Variants in STK32A observed in about 807,000 individuals in gnomAD.
STK32A encodes serine/threonine kinase 32A, also known as serine/threonine-protein kinase 32A.
STK32A carries 41 observed loss-of-function variants against 53.2 expected under a neutral mutation model. That is an observed-to-expected ratio of 0.77 (90% CI 0.60 to 1.00). The LOEUF is 1.00. Ranked by LOEUF, STK32A falls within the 50% of genes least tolerant of loss-of-function variation. The pLI is 0.00. For synonymous variants in STK32A, 166 were observed against 162.8 expected (o/e 1.02, Z -0.15); for missense variants, 458 against 485.8 (o/e 0.94, Z 0.54).
chr5:147,340,085 A>G (rs759081539), intron 5 of STK32A, among the ~76,000 whole-genome samples: 7 of 152,100 alleles, frequency 4.6e-5, no homozygotes, highest in Admixed American at 2.6e-4. Flanking sequence ...TGCTAGTGAG[A>G]GTGTCTTTTA....
At chr5:147,252,138 C>A (rs1009712496) in intron 2 of STK32A, among the ~76,000 whole-genome samples, 9 of 152,084 alleles carry the variant, frequency 5.9e-5, no homozygotes, top group Non-Finnish European at 1.2e-4. Flanking sequence ...CAGAGCAAGA[C>A]CCTGTCTCAC....
At chr5:147,337,691 T>G (rs894680804) in intron 5 of STK32A, among the ~76,000 whole-genome samples, 3 of 151,862 alleles carry the variant, frequency 2.0e-5, no homozygotes, top group African/African-American at 7.2e-5. Context: ...CACTTAGAAC[T>G]TACGTCCTAG....
downstream of STK32A, chr5:147,392,289 T>C (rs535017942): frequency 2.6e-5 from 4 of 152,356 alleles, no homozygotes; most frequent in East Asian, 7.7e-4. Flanking sequence ...AATAGTCTTT[T>C]TTCATGATTT....
chr5:147,323,846 TC>T, intron 4 of STK32A, 51 bp from the exon 5 acceptor site: 1 of 1,472,352 alleles, frequency 6.8e-7, no homozygotes, highest in Non-Finnish European at 9.3e-7. Flanking sequence ...TCTCTGAGAC[TC>T]TTTAATGTGT....
intron 9 of STK32A, 138 bp downstream of exon 9, chr5:147,370,908 T>G: frequency 2.0e-6 from 1 of 488,784 alleles, no homozygotes; most frequent in East Asian, 3.1e-5. Context: ...AGCTGTTAGC[T>G]TTCAAATACA....
At chr5:147,378,304 C>A (rs755434515) in intron 11 of STK32A, among the ~76,000 whole-genome samples, 6 of 152,052 alleles carry the variant, frequency 3.9e-5, no homozygotes, top group Non-Finnish European at 8.8e-5. Flanking sequence ...GGTGAGCATA[C>A]AGGAAAGGAC....
chr5:147,400,742 C>T, the STK32A span: 1 of 1,614,186 alleles, frequency 6.2e-7, no homozygotes, highest in Non-Finnish European at 8.5e-7. Flanking sequence ...CCATTGGTGC[C>T]CTCAGGAATG....
At chr5:147,345,164 G>A (rs1026596806) in intron 6 of STK32A, among the ~76,000 whole-genome samples, 8 of 152,126 alleles carry the variant, frequency 5.3e-5, no homozygotes, top group African/African-American at 1.9e-4. Flanking sequence ...TCCTAGCCCC[G>A]AGAGCTTTGA....
rs199966092 is a variant in STK32A, at chr5:147,383,897, A to G, written c.1105A>G (p.Arg369Gly). ...FIIFNREKVN[R>G]DFNKRQPNLA... ...TTTTCTTTTCTTTTTAAGAGTAAAC[A>G]GGGACTTTAACAAAAGACAACCAAA... is the stretch of plus-strand genomic sequence containing the variant. Residue 369 changes from arginine to glycine, a missense_variant, in exon 13 of 13, where the codon AGG becomes GGG. Arg to Gly is a moderately radical substitution (Grantham distance 125, BLOSUM62 -2). Coordinates refer to ENST00000397936, the MANE Select transcript of STK32A (RefSeq NM_001112724.2). 1 of 1,550,436 alleles carries G rather than the reference A, an allele frequency of 6.4e-7. No homozygotes were observed. The highest frequency in any genetic ancestry group is 8.8e-7 in the Non-Finnish European group (1 of 1,132,292).
Position 147,384,467 on chromosome 5 carries a change from A to G in STK32A, c.*484A>G. On this transcript the variant is annotated 3_prime_UTR_variant, in exon 13 of 13. Transcript: ENST00000397936. ...TCAGAATGCCCCAGGCTACTTGGAT[A>G]AAGATAAGGAATTCTATCAGGGAGG... 6.6e-7 allele frequency: 1 copy of G among 1,506,560 alleles called. No individual in the cohort carries two copies. The highest frequency in any genetic ancestry group is 8.9e-7 in the Non-Finnish European group (1 of 1,122,726). 93.3% of individuals were successfully genotyped at this position (1,506,560 alleles called of 1,614,324 possible).
intron 4 of STK32A, among the ~76,000 whole-genome samples, chr5:147,294,080 T>TG (rs1189759022): frequency 6.6e-6 from 1 of 152,204 alleles, no homozygotes; most frequent in African/African-American, 2.4e-5. Context: ...GAAAACCCTG[T>TG]GGTTCCAAAA....
chr5:147,264,107 C>A (rs1260252794), intron 2 of STK32A, among the ~76,000 whole-genome samples: 1 of 148,176 alleles, frequency 6.7e-6, no homozygotes. Context: ...AGTGTGAATA[C>A]AATAAAAATA....
chr5:147,374,572 T>C (rs1366297637), intron 10 of STK32A, among the ~76,000 whole-genome samples: 1 of 152,136 alleles, frequency 6.6e-6, no homozygotes, highest in Admixed American at 6.5e-5. Context: ...CAACTCTTGC[T>C]TCCCCCTCCT....
chr5:147,373,146 T>C (rs1259149582), intron 9 of STK32A, 23 bp from the exon 10 acceptor site: 1 of 1,612,506 alleles, frequency 6.2e-7, no homozygotes, highest in Non-Finnish European at 8.5e-7. Flanking sequence ...CTTATGGCCT[T>C]GATGTTTGCA....
the STK32A span, chr5:147,401,590 G>C: frequency 1.7e-5 from 27 of 1,613,910 alleles, 1 homozygote; most frequent in Middle Eastern, 6.6e-4. Flanking sequence ...CAGGGCTCAG[G>C]GGTGGGGATG....
intron 8 of STK32A, among the ~76,000 whole-genome samples, chr5:147,366,149 T>A (rs1183459729): frequency 6.6e-6 from 1 of 152,074 alleles, no homozygotes; most frequent in Non-Finnish European, 1.5e-5. Flanking sequence ...CGGAATTAGG[T>A]CAACGTTTCA....
chr5:147,385,582 A>G lies in STK32A; in HGVS notation c.*1599A>G, dbSNP rs903559212. 1.3e-5 allele frequency: 2 copies of G among 152,198 alleles called. No homozygotes were observed. Among genetic ancestry groups the G allele is most frequent in the African/African-American group, 4.8e-5 (2 of 41,456 alleles). 9.4% of individuals were successfully genotyped at this position (152,198 alleles called of 1,614,324 possible). A position where few individuals can be genotyped will look rare whatever the true frequency, so the allele number is the denominator to read the frequency against. ...AGGCAGAATTCCCTACTTATTTAAAATATCACTGATGTCTCACTCTTTTTC... is the reference window on the plus strand; with the variant it reads ...AGGCAGAATTCCCTACTTATTTAAAGTATCACTGATGTCTCACTCTTTTTC... On this transcript the variant is annotated 3_prime_UTR_variant, in exon 13 of 13. Coordinates refer to ENST00000397936, the MANE Select transcript of STK32A (RefSeq NM_001112724.2).
chr5:147,312,726 G>A (rs12653239), intron 4 of STK32A, among the ~76,000 whole-genome samples: 11,235 of 152,174 alleles, frequency 0.074, 775 homozygotes, highest in East Asian at 0.21. Context: ...ATTTGACAAC[G>A]TACTCTAGAG....
At chr5:147,294,742 G>T (rs1161397801) in intron 4 of STK32A, among the ~76,000 whole-genome samples, 1 of 150,992 alleles carries the variant, frequency 6.6e-6, no homozygotes, top group East Asian at 2.0e-4. Flanking sequence ...GGAGTGCAAT[G>T]GTGCGATCTT....
Sources: allele counts gnomAD v4.1 joint callset (sites outside exome capture counted in the v4.1 genomes callset), GRCh38; gene constraint gnomAD v4.1.1; transcripts MANE v1.5; gene names NCBI Gene and HGNC (gene_info 2026-07-23, HGNC 2026-07-21).